IL1RL1: variants seen among roughly 807,000 people sequenced by gnomAD.
IL1RL1 encodes the protein interleukin-1 receptor-like 1.
Under a neutral mutation model 50.9 loss-of-function variants are expected in IL1RL1, and 32 were observed. That is an observed-to-expected ratio of 0.63 (90% CI 0.47 to 0.84). The LOEUF (loss-of-function observed/expected upper bound fraction) is 0.84, where lower values mean the gene tolerates loss of function less well. IL1RL1 is among the 40% of genes least tolerant of loss of function. IL1RL1 has a pLI of 0.00. For synonymous variants in IL1RL1, 275 were observed against 236.0 expected, an observed-to-expected ratio of 1.17 and a Z score of -1.51; for missense variants, 773 against 662.9, an observed-to-expected ratio of 1.17 and a Z score of -1.82.
At chr2:102,315,568 A>G (rs1017261105) in intron 1 of IL1RL1, among the ~76,000 whole-genome samples, 1 of 152,192 alleles carries the variant, frequency 6.6e-6, no homozygotes, top group African/African-American at 2.4e-5. Context: ...GAATTCCCTC[A>G]TCATTTTTCT....
At chr2:102,335,956 C>T (rs560129574) in intron 1 of IL1RL1, among the ~76,000 whole-genome samples, 146 of 152,248 alleles carry the variant, frequency 9.6e-4, no homozygotes, top group African/African-American at 3.0e-3. Context: ...CTCTAATTTA[C>T]GGCGAACATC....
intron 8 of IL1RL1, 29 bp from the exon 9 acceptor site, chr2:102,347,913 GTAA>G: frequency 1.6e-6 from 2 of 1,286,674 alleles, no homozygotes; most frequent in East Asian, 4.7e-5. Flanking sequence ...TGTTTCAGTA[GTAA>G]TAATAATCTT....
chr2:102,352,138 A>G, downstream of IL1RL1: 2 of 489,222 alleles, frequency 4.1e-6, no homozygotes, highest in Non-Finnish European at 7.2e-6. Flanking sequence ...TCCAGCCACC[A>G]TTTTCTTCCC....
In IL1RL1 at chr2:102,332,856, CAG is replaced by C. The variant is rs1461180815; in HGVS notation, c.-149-5258_-149-5257del. ...TTAAAAATCAGAAGCAAAAAAAGAA[CAG>C]AAAATTGAGTAGTTAGGCTAAGTCT... On this transcript the variant is annotated intron_variant, in intron 1 of 10. Transcript: ENST00000233954. 5.3e-5 allele frequency among the ~76,000 whole-genome samples: 8 copies of C among 151,884 alleles called. No homozygotes were observed. The East Asian group carries it at 1.5e-3, about 29-fold the overall frequency.
chr2:102,349,919 T>C (rs926853187), intron 10 of IL1RL1, among the ~76,000 whole-genome samples: 3 of 152,198 alleles, frequency 2.0e-5, no homozygotes, highest in Non-Finnish European at 2.9e-5. Flanking sequence ...TAACTGGGGC[T>C]CAGCTATCAA....
intron 9 of IL1RL1, among the ~76,000 whole-genome samples, chr2:102,348,340 A>G (rs531786587): frequency 3.3e-5 from 5 of 152,300 alleles, no homozygotes; most frequent in East Asian, 3.9e-4. Flanking sequence ...TGCTATTCCT[A>G]CTGAGTTCCC....
intron 9 of IL1RL1, among the ~76,000 whole-genome samples, chr2:102,348,806 A>G (rs761100023): frequency 6.6e-6 from 1 of 152,230 alleles, no homozygotes; most frequent in Non-Finnish European, 1.5e-5. Flanking sequence ...TAGATTATTA[A>G]TCAAAATTGA....
At chr2:102,323,142 G>T (rs746027357) in intron 1 of IL1RL1, among the ~76,000 whole-genome samples, 1 of 151,600 alleles carries the variant, frequency 6.6e-6, no homozygotes, top group Non-Finnish European at 1.5e-5. Context: ...TGGCATTTAT[G>T]AACATTCTTT....
chr2:102,347,484 T>C (rs577024213), intron 8 of IL1RL1, among the ~76,000 whole-genome samples: 20 of 152,338 alleles, frequency 1.3e-4, no homozygotes, highest in African/African-American at 4.6e-4. Flanking sequence ...AACTGGGTTA[T>C]TCCATTTCCT....
rs771434997 is a variant in IL1RL1, at chr2:102,351,848, A to G, written c.1598A>G (p.Tyr533Cys). Reference protein sequence around the residue: ...LNSKFWKHVRYQMPVPSKIPR... With the variant: ...LNSKFWKHVRCQMPVPSKIPR... ...TCTAAATTCTGGAAGCACGTGAGGT[A>G]CCAAATGCCTGTGCCAAGCAAAATT... The change falls in exon 11 of 11, where the codon TAC becomes TGC. Residue 533 changes from tyrosine to cysteine, a missense_variant. Tyr to Cys is a radical substitution (Grantham distance 194). Transcript: ENST00000233954. 2 of 1,614,008 alleles carry G rather than the reference A, an allele frequency of 1.2e-6. No homozygotes were observed. The highest frequency in any genetic ancestry group is 3.3e-5 in the Admixed American group (2 of 60,028).
chr2:102,343,390 C>A lies in IL1RL1; in HGVS notation c.945C>A (p.Thr315=). 6.2e-7 allele frequency: 1 copy of A among 1,614,148 alleles called. No homozygotes were observed. Among genetic ancestry groups the A allele is most frequent in the Non-Finnish European group, 8.5e-7 (1 of 1,180,030 alleles). The change falls in exon 8 of 11, where the codon ACC becomes ACA. Residue 315 remains threonine, a synonymous_variant. Coordinates refer to ENST00000233954, the MANE Select transcript of IL1RL1 (RefSeq NM_016232.5). The stretch of plus-strand genomic sequence containing the variant: ...ATTTGCATGGCTTGAGAAGGCACAC[C>A]GTAAGACTAAGTAGGAAAAATCCAA... ...ALNLHGLRRH[T]VRLSRKNPID...
At chr2:102,351,288 G>A (rs1052043739) in intron 10 of IL1RL1, among the ~76,000 whole-genome samples, 1 of 152,156 alleles carries the variant, frequency 6.6e-6, no homozygotes, top group Non-Finnish European at 1.5e-5. Flanking sequence ...GAAGGACTCT[G>A]TTTTAGTTAA....
rs190651658 is a variant in IL1RL1, at chr2:102,349,115, G to A, written c.1154G>A (p.Arg385Gln). 1.5e-5 allele frequency: 24 copies of A among 1,613,616 alleles called. No individual in the cohort carries two copies. The highest frequency in any genetic ancestry group is 4.5e-5 in the East Asian group (2 of 44,874). The change falls in exon 10 of 11, where the codon CGG (arginine) becomes CAG (glutamine). Residue 385 changes from arginine to glutamine, a missense_variant. By Grantham distance (43) the Arg-to-Gln change is conservative (BLOSUM62 1). Transcript: ENST00000233954. ...KLYDAYVVYP[R>Q]NYKSSTDGAS... ...TATGATGCTTATGTTGTCTACCCAC[G>A]GAACTACAAATCCAGTACAGATGGG...
chr2:102,344,660 A>G (rs1055557244), intron 8 of IL1RL1: 4 of 605,510 alleles, frequency 6.6e-6, no homozygotes, highest in Non-Finnish European at 8.3e-6. Context: ...TTAGTGCAAT[A>G]CCTGGCAGCT....
intron 10 of IL1RL1, among the ~76,000 whole-genome samples, chr2:102,350,481 C>T (rs1242272062): frequency 6.6e-6 from 1 of 152,254 alleles, no homozygotes; most frequent in Non-Finnish European, 1.5e-5. Context: ...TTTCCTCAAC[C>T]AAAATAAATG....
At chr2:102,320,262 G>T (rs893761749) in intron 1 of IL1RL1, among the ~76,000 whole-genome samples, 3 of 152,138 alleles carry the variant, frequency 2.0e-5, no homozygotes, top group Non-Finnish European at 4.4e-5. Context: ...AGAACTCAGG[G>T]TCACTTCATG....
intron 1 of IL1RL1, among the ~76,000 whole-genome samples, chr2:102,329,508 G>T (rs963778590): frequency 3.9e-5 from 6 of 152,186 alleles, no homozygotes; most frequent in African/African-American, 1.2e-4. Flanking sequence ...TTAAACTAAA[G>T]AGCTTCTGCA....
intron 10 of IL1RL1, among the ~76,000 whole-genome samples, chr2:102,351,011 C>G (rs1436129880): frequency 2.0e-5 from 3 of 152,062 alleles, no homozygotes; most frequent in Admixed American, 6.6e-5. Flanking sequence ...TGAGATTTTT[C>G]TAGTTTGGAT....
intron 5 of IL1RL1, 149 bp downstream of exon 5, chr2:102,340,977 C>A: frequency 1.4e-6 from 1 of 716,082 alleles, no homozygotes; most frequent in Non-Finnish European, 2.2e-6. Flanking sequence ...TGAACTATGA[C>A]GCAAAGAGGT....
Sources: allele counts gnomAD v4.1 joint callset (sites outside exome capture counted in the v4.1 genomes callset), GRCh38; gene constraint gnomAD v4.1.1; transcripts MANE v1.5; gene names NCBI Gene and HGNC (gene_info 2026-07-23, HGNC 2026-07-21).